The following BRF1 variants were observed in gnomAD, a reference collection of about 807,000 sequenced individuals.
The protein encoded by BRF1 is BRF1 general transcription factor IIIB subunit, also known as transcription factor IIIB 90 kDa subunit.
Under a neutral mutation model 81.7 loss-of-function variants are expected in BRF1, and 59 were observed. The observed-to-expected ratio is 0.72, with a 90% confidence interval of 0.59 to 0.90. The LOEUF is 0.90. BRF1 is among the 40% of genes least tolerant of loss of function. The pLI is 0.00. For missense variants in BRF1, 1,050 were observed against 936.3 expected (o/e 1.12, Z -1.58); for synonymous variants, 491 against 395.6 (o/e 1.24, Z -2.86).
chr14:105,302,042 G>A (rs1271238661), upstream of BRF1, among the ~76,000 whole-genome samples: 1 of 151,918 alleles, frequency 6.6e-6, no homozygotes, highest in Non-Finnish European at 1.5e-5. Flanking sequence ...GCGAGTCTGA[G>A]ACAGGAGAAC....
chr14:105,285,862 G>A (rs995988997), intron 2 of BRF1, among the ~76,000 whole-genome samples: 13 of 152,090 alleles, frequency 8.5e-5, no homozygotes, highest in African/African-American at 2.9e-4. Context: ...TCACACATCC[G>A]ATAAAAGACT....
At chr14:105,250,023 G>A (rs587650126) in intron 5 of BRF1, 11 of 1,612,854 alleles carry the variant, frequency 6.8e-6, no homozygotes, top group East Asian at 2.2e-5. Flanking sequence ...ATCACCCCAC[G>A]AAACAAGAGG....
intron 5 of BRF1, chr14:105,249,764 G>A: frequency 6.2e-7 from 1 of 1,613,876 alleles, no homozygotes; most frequent in East Asian, 2.2e-5. Context: ...GACAAGTTTG[G>A]AAGCCAAGAA....
intron 3 of BRF1, among the ~76,000 whole-genome samples, chr14:105,268,467 G>T (rs2056518566): frequency 6.6e-6 from 1 of 152,250 alleles, no homozygotes; most frequent in Non-Finnish European, 1.5e-5. Flanking sequence ...TCAGCCACCA[G>T]GCTACGGGGC....
At position 105,271,526 on chromosome 14, in the gene BRF1, G is replaced by A. The variant is rs984818420; in HGVS notation, c.439+1195C>T. Among the ~76,000 whole-genome samples the A allele has an allele frequency of 6.6e-6, 1 of 152,208 alleles. No homozygotes were observed. Among genetic ancestry groups the A allele is most frequent in the Admixed American group, 6.6e-5 (1 of 15,256 alleles). ...TTCAGAGGGGCGCAGCTCGGAAAAG[G>A]TCCCTCTCCCAGGGAGCCATTGCAG... On this transcript the variant is annotated intron_variant, in intron 3 of 17. Coordinates refer to ENST00000547530, the MANE Select transcript of BRF1 (RefSeq NM_001519.4). This position sits in a 1 kb window ranked among gnomAD's most constrained non-coding sequence, Gnocchi z 5.5.
intron 3 of BRF1, among the ~76,000 whole-genome samples, chr14:105,256,930 ACACAG>A (rs2055906861): frequency 2.0e-5 from 3 of 152,146 alleles, no homozygotes; most frequent in Admixed American, 2.0e-4. Context: ...TGCTGCCCAC[ACACAG>A]CACAGAAGAG....
At chr14:105,242,600 T>G (rs962833118) in intron 5 of BRF1, 1 of 151,662 alleles carries the variant, frequency 6.6e-6, no homozygotes, top group African/African-American at 2.4e-5. Context: ...CAGGGCGTGG[T>G]GGTGCATGCC....
In BRF1 at chr14:105,241,250, C is replaced by T. The variant is rs766062308; in HGVS notation, c.694+15G>A. 5.6e-6 allele frequency: 9 copies of T among 1,608,982 alleles called. No individual in the cohort carries two copies. Among genetic ancestry groups the T allele is most frequent in the Non-Finnish European group, 6.8e-6 (8 of 1,179,344 alleles). On this transcript the variant is annotated intron_variant, in intron 6 of 17. Coordinates refer to ENST00000547530, the MANE Select transcript of BRF1 (RefSeq NM_001519.4). The stretch of plus-strand genomic sequence containing the variant: ...CCCAGACCAGCATCCCCCAGGCAGG[C>T]AGGGCCCGCTGTACCTGCTCCGCAG...
At chr14:105,229,236 G>A (rs2054310958) in intron 6 of BRF1, among the ~76,000 whole-genome samples, 1 of 152,234 alleles carries the variant, frequency 6.6e-6, no homozygotes. Context: ...CTTGTGATGG[G>A]AGCTGGGGAC....
chr14:105,225,276 C>T (rs587637843), intron 10 of BRF1, among the ~76,000 whole-genome samples: 2 of 152,300 alleles, frequency 1.3e-5, no homozygotes, highest in South Asian at 2.1e-4. Flanking sequence ...GAATACAAAT[C>T]AAAAACAAGA....
chr14:105,263,641 C>T (rs2056263841), intron 3 of BRF1, among the ~76,000 whole-genome samples: 4 of 152,054 alleles, frequency 2.6e-5, no homozygotes, highest in Non-Finnish European at 1.5e-5. Context: ...AAGTTAAATT[C>T]CCGGCCGGGC....
rs754797281 is a variant in BRF1 at position 105,272,735 on chromosome 14, G to A, written c.425C>T (p.Thr142Met). Residue 142 changes from threonine (T) to methionine (M), a missense_variant, in exon 3 of 18, where the codon ACG (threonine) becomes ATG (methionine). By Grantham distance (81) the Thr-to-Met change is moderately conservative. Around this residue, in one of 2 missense-constraint regions of BRF1, gnomAD observed 1,043 missense variants for 915.4 expected, o/e 1.14. Coordinates refer to ENST00000547530, the MANE Select transcript of BRF1 (RefSeq NM_001519.4). The part of the protein sequence containing the change: ...IAACLYLVCR[T>M]EGTPHMLLDL... Reference sequence around the variant, plus strand: ...CCAAAGGATACGCGGCGTGCCCTCCGTACGGCAGACCAGGTAGAGGCAGGC... The same window carrying A: ...CCAAAGGATACGCGGCGTGCCCTCCATACGGCAGACCAGGTAGAGGCAGGC... 1.2e-5 allele frequency: 19 copies of A among 1,612,264 alleles called. No homozygotes were observed. Among genetic ancestry groups the A allele is most frequent in the Admixed American group, 1.7e-5 (1 of 59,932 alleles).
At chr14:105,273,275 A>G (rs1595441311) in intron 2 of BRF1, among the ~76,000 whole-genome samples, 1 of 152,024 alleles carries the variant, frequency 6.6e-6, no homozygotes, top group African/African-American at 2.4e-5. Context: ...CCCTTTTCCT[A>G]CAGCCACATG....
rs587673436 is a variant in BRF1, at chr14:105,254,543, C to A, written c.472-1964G>T. 2.6e-5 allele frequency among the ~76,000 whole-genome samples: 4 copies of A among 151,874 alleles called. No homozygotes were observed. The South Asian group carries it at 8.3e-4, about 32-fold the overall frequency. ...AAGTGCTGGGATTACAGGAGTGAGC[C>A]ACCGCACCTGGCCGCAGTTTTTTGT... On this transcript the variant is annotated intron_variant, in intron 4 of 17. Coordinates refer to ENST00000547530, the MANE Select transcript of BRF1 (RefSeq NM_001519.4).
At chr14:105,301,566 C>T (rs1034171272), upstream of BRF1, among the ~76,000 whole-genome samples, 1 of 152,196 alleles carries the variant, frequency 6.6e-6, no homozygotes, top group Admixed American at 6.5e-5. Context: ...AGACACCCGC[C>T]AGGGGCCACC....
chr14:105,300,278 G>A (rs933797288), intron 1 of BRF1, among the ~76,000 whole-genome samples, 168 bp downstream of exon 1: 7 of 152,214 alleles, frequency 4.6e-5, no homozygotes, highest in African/African-American at 1.7e-4. Context: ...CGCGAAGAAG[G>A]TCTACATTCT....
At chr14:105,300,143 A>AC (rs1278414520) in intron 1 of BRF1, among the ~76,000 whole-genome samples, 13 of 152,236 alleles carry the variant, frequency 8.5e-5, no homozygotes, top group Non-Finnish European at 2.9e-5. Context: ...ACAGAGAGTG[A>AC]CAGTGAGGGG....
At chr14:105,288,105 T>G (rs1031439631) in intron 1 of BRF1, among the ~76,000 whole-genome samples, 1 of 152,212 alleles carries the variant, frequency 6.6e-6, no homozygotes. Context: ...CTGGGATCTA[T>G]GTACTAGTTT....
intron 1 of BRF1, 110 bp downstream of exon 1, chr14:105,300,336 C>G: frequency 8.1e-7 from 1 of 1,235,992 alleles, no homozygotes; most frequent in East Asian, 3.1e-5. Context: ...AACCGCGCGC[C>G]CCGACAGAGC....
Sources: gnomAD v4.1 joint callset for allele counts (sites outside exome capture counted in the v4.1 genomes callset) on GRCh38, gnomAD v4.1.1 for gene constraint, gnomAD v4.1.1 regional missense constraint, Gnocchi (gnomAD v3.1) non-coding constraint, MANE v1.5 for transcripts, NCBI Gene and HGNC (gene_info 2026-07-23, HGNC 2026-07-21) for gene names.